Variants in CD99L2 observed in about 807,000 individuals in gnomAD.
The protein encoded by CD99L2 is CD99 molecule like 2.
CD99L2 carries 24 observed loss-of-function variants against 27.3 expected under a neutral mutation model. The ratio of observed to expected loss-of-function variants is 0.88; its 90% CI spans 0.64 to 1.24. The LOEUF (loss-of-function observed/expected upper bound fraction) is 1.24, where lower values mean the gene tolerates loss of function less well. Among genes scored for constraint, CD99L2 ranks in the 50% most tolerant of loss-of-function variants. The pLI is 0.00. For synonymous variants in CD99L2, 97 were observed against 87.9 expected (o/e 1.10, Z -0.58); for missense variants, 255 against 221.6 (o/e 1.15, Z -0.96).
At chrX:150,794,958 A>C (rs1304377929) in intron 6 of CD99L2, among the ~76,000 whole-genome samples, 1 of 112,727 alleles carries the variant, frequency 8.9e-6, no homozygotes, top group Non-Finnish European at 1.9e-5. Context: ...TTCATTTTAG[A>C]TTGATTAATA....
chrX:150,793,451 G>A (rs1333023669), intron 7 of CD99L2, among the ~76,000 whole-genome samples: 3 of 112,261 alleles, frequency 2.7e-5, no homozygotes, highest in African/African-American at 9.7e-5. Context: ...AGCATGAAAC[G>A]TTAACCTATC....
chrX:150,824,657 GA>G (rs2046338903), intron 2 of CD99L2, among the ~76,000 whole-genome samples: 5 of 93,166 alleles, frequency 5.4e-5, no homozygotes, highest in African/African-American at 1.6e-4. Flanking sequence ...AGAAGAAGAA[GA>G]AGAAGAAGAG....
At chrX:150,891,205 C>T (rs1035136479) in intron 1 of CD99L2, among the ~76,000 whole-genome samples, 26 of 112,509 alleles carry the variant, frequency 2.3e-4, no homozygotes, top group African/African-American at 7.4e-4. Context: ...TTGGCTATAA[C>T]AAAATATACT....
At position 150,770,323 on chromosome X, in the gene CD99L2, C is replaced by A; in HGVS notation, c.702G>T (p.Val234=). Residue 234 remains valine, a synonymous_variant, in exon 10 of 11, where the codon GTG becomes GTT. Transcript: ENST00000370377. The stretch of plus-strand genomic sequence containing the variant: ...TCTCACCTTGGGGTTCCTCACATAC[C>A]ACGGCTTCCAGGTTCTCTCCCTTCA... ...DYVKGENLEA[V]VCEEPQVKYS... The A allele has an allele frequency of 8.3e-7, 1 of 1,211,801 alleles. No individual in the cohort carries two copies.
chrX:150,888,817 T>TA (rs782185376), intron 1 of CD99L2, among the ~76,000 whole-genome samples: 15 of 109,646 alleles, frequency 1.4e-4, no homozygotes, highest in East Asian at 1.2e-3. Context: ...GACATGTGAG[T>TA]AAAAAAAAAC....
In CD99L2 at chrX:150,867,621, C is replaced by T. The variant is rs992981106; in HGVS notation, c.67+30901G>A. ...TCTAATAAAACTACATGGCTGGGCA[C>T]GGTGGCTCACGCCTTTAATCCCAGC... On this transcript the variant is annotated intron_variant, in intron 1 of 10. Coordinates refer to ENST00000370377, the MANE Select transcript of CD99L2 (RefSeq NM_031462.4). Among the ~76,000 whole-genome samples, 11 of 109,974 alleles carry T rather than the reference C, an allele frequency of 1.0e-4. No individual in the cohort carries two copies. In the East Asian group the frequency reaches 1.7e-3, roughly 17 times the overall value.
chrX:150,779,839 G>GAAAT, intron 7 of CD99L2, among the ~76,000 whole-genome samples: 1 of 112,140 alleles, frequency 8.9e-6, no homozygotes. Context: ...GCCAGAAACT[G>GAAAT]AAAATGGAAA....
At chrX:150,778,685 AATATATATAT>A (rs374603167) in intron 7 of CD99L2, among the ~76,000 whole-genome samples, 1 of 81,536 alleles carries the variant, frequency 1.2e-5, no homozygotes, top group Admixed American at 1.4e-4. Context: ...AAAAAAAAAA[AATATATATAT>A]ATATATATAT....
intron 1 of CD99L2, among the ~76,000 whole-genome samples, chrX:150,856,549 G>A (rs1029319228): frequency 2.1e-5 from 2 of 95,185 alleles, no homozygotes; most frequent in South Asian, 5.5e-4. Context: ...TAATTATGCT[G>A]AGTGACAGAA....
intron 7 of CD99L2, among the ~76,000 whole-genome samples, chrX:150,786,404 G>A (rs1259444618): frequency 9.1e-6 from 1 of 110,386 alleles, no homozygotes; most frequent in Non-Finnish European, 1.9e-5. Flanking sequence ...GCCCCAGAGT[G>A]TGTTGTTCCC....
At chrX:150,867,502 G>A (rs1265798398) in intron 1 of CD99L2, among the ~76,000 whole-genome samples, 4 of 111,776 alleles carry the variant, frequency 3.6e-5, no homozygotes, top group Admixed American at 1.9e-4. Context: ...GGTGGCTCAC[G>A]CCTGTAATCC....
At chrX:150,821,800 C>T (rs372031144) in intron 2 of CD99L2, among the ~76,000 whole-genome samples, 10 of 111,534 alleles carry the variant, frequency 9.0e-5, no homozygotes, top group South Asian at 3.7e-4. Context: ...TTTAGGGAAA[C>T]GCAAATGAAA....
intron 4 of CD99L2, among the ~76,000 whole-genome samples, chrX:150,804,515 G>T (rs1462426439): frequency 2.7e-5 from 3 of 111,398 alleles, no homozygotes; most frequent in Non-Finnish European, 5.7e-5. Context: ...GGGAGACCAT[G>T]GTGGGCAGAT....
At chrX:150,802,089 C>T (rs782583271) in intron 4 of CD99L2, among the ~76,000 whole-genome samples, 1 of 111,634 alleles carries the variant, frequency 9.0e-6, no homozygotes, top group Admixed American at 9.5e-5. Context: ...AAAGGAAGAA[C>T]TATATATGTT....
chrX:150,777,087 A>G (rs782043904), intron 8 of CD99L2: 13 of 245,746 alleles, frequency 5.3e-5, no homozygotes, highest in Non-Finnish European at 7.1e-5. Flanking sequence ...GCATTTTTAC[A>G]TAAGCAATTG....
In CD99L2 at chrX:150,769,637, C is replaced by G. The variant is rs1557418892; in HGVS notation, c.722-536G>C. On this transcript the variant is annotated intron_variant, in intron 10 of 10. Transcript: ENST00000370377. ...TCCCCACGGCTGCTGCACTGTAGTT[C>G]CACTGGCAACACTCGCCTGAGCTGT... Among the ~76,000 whole-genome samples the G allele has an allele frequency of 4.9e-3, 537 of 110,362 alleles. 1 individual carries two copies. Among genetic ancestry groups the G allele is most frequent in the African/African-American group, 0.017 (508 of 30,654 alleles).
intron 1 of CD99L2, among the ~76,000 whole-genome samples, chrX:150,841,458 T>A (rs782796646): frequency 9.0e-6 from 1 of 111,714 alleles, no homozygotes; most frequent in East Asian, 2.8e-4. Flanking sequence ...GCCTTTTTGT[T>A]TTCAATCCAT....
chrX:150,887,896 G>A (rs1369538706), intron 1 of CD99L2, among the ~76,000 whole-genome samples: 1 of 112,259 alleles, frequency 8.9e-6, no homozygotes, highest in African/African-American at 3.2e-5. Context: ...AGAGAGGTGA[G>A]AGAAGTCGCC....
At chrX:150,782,943 A>C (rs1030677075) in intron 7 of CD99L2, among the ~76,000 whole-genome samples, 1 of 111,141 alleles carries the variant, frequency 9.0e-6, no homozygotes, top group East Asian at 2.8e-4. Flanking sequence ...CACAGTGAAA[A>C]TGGAAGAGAA....
Sources: gnomAD v4.1 joint callset for allele counts (sites outside exome capture counted in the v4.1 genomes callset) on GRCh38, gnomAD v4.1.1 for gene constraint, MANE v1.5 for transcripts, NCBI Gene and HGNC (gene_info 2026-07-23, HGNC 2026-07-21) for gene names.